The following HYDIN variants were observed in gnomAD, a reference collection of about 807,000 sequenced individuals.
HYDIN encodes the protein axonemal central pair apparatus protein HYDIN.
In HYDIN, 132 loss-of-function variants were observed where a neutral mutation model predicts 403.9. The ratio of observed to expected loss-of-function variants is 0.33; its 90% CI spans 0.28 to 0.38. The LOEUF (loss-of-function observed/expected upper bound fraction) is 0.38, where lower values mean the gene tolerates loss of function less well. Ranked by LOEUF, HYDIN falls within the 10% of genes least tolerant of loss-of-function variation. The pLI, the probability that HYDIN is intolerant of heterozygous loss-of-function variation, is 1.00. For missense variants in HYDIN, 2,827 were observed against 5,009.5 expected (o/e 0.56, Z 13.15); for synonymous variants, 1,202 against 1,891.7 (o/e 0.64, Z 9.46).
At chr16:70,917,088 A>G (rs1380635353) in intron 47 of HYDIN, among the ~76,000 whole-genome samples, 3 of 151,878 alleles carry the variant, frequency 2.0e-5, no homozygotes, top group African/African-American at 4.8e-5. Flanking sequence ...ATGCCCGGCT[A>G]ATTTTTGTAT....
At chr16:70,921,815 G>A (rs540487418) in intron 45 of HYDIN, among the ~76,000 whole-genome samples, 1 of 152,200 alleles carries the variant, frequency 6.6e-6, no homozygotes, top group African/African-American at 2.4e-5. Context: ...ACAAATGGGG[G>A]TTTAGAATTT....
In HYDIN at chr16:70,995,318, C is replaced by G. The variant is rs1182511880; in HGVS notation, c.3645-3108G>C. 3.3e-5 allele frequency among the ~76,000 whole-genome samples: 5 copies of G among 152,100 alleles called. No individual in the cohort carries two copies. In the East Asian group the frequency reaches 9.6e-4, roughly 29 times the overall value. ...GTTATTTTTAAAAGGGAGTGCATAG[C>G]AAACAAGAACAATCGATACTGTTCC... On this transcript the variant is annotated intron_variant, in intron 23 of 85. Transcript: ENST00000393567.
intron 1 of HYDIN, among the ~76,000 whole-genome samples, chr16:71,194,326 G>A (rs529783334): frequency 3.3e-5 from 5 of 152,242 alleles, no homozygotes; most frequent in African/African-American, 4.8e-5. Context: ...CAGGAGAATC[G>A]CTTGAACCAG....
intron 23 of HYDIN, among the ~76,000 whole-genome samples, chr16:71,005,711 G>T (rs1057218603): frequency 6.6e-6 from 1 of 151,350 alleles, no homozygotes; most frequent in Admixed American, 6.6e-5. Flanking sequence ...ACAGATGTGA[G>T]GGTTCCTTGG....
intron 53 of HYDIN, among the ~76,000 whole-genome samples, chr16:70,900,463 C>G (rs574971535): frequency 2.9e-5 from 4 of 136,124 alleles, no homozygotes; most frequent in African/African-American, 1.2e-4. Context: ...GGTGACAGAG[C>G]GAGACTCCAT....
chr16:71,058,593 T>TA (rs1009532041), intron 18 of HYDIN, among the ~76,000 whole-genome samples: 3 of 94,094 alleles, frequency 3.2e-5, no homozygotes, highest in African/African-American at 1.2e-4. Context: ...TAAAGTATAA[T>TA]AAAAAAATAA....
In HYDIN at chr16:70,958,121, C is replaced by T. The variant is rs1243719945; in HGVS notation, c.6142+1526G>A. ...AGGTGTCTTCCCTCTCCTTCTTAAT[C>T]CCCTCTCTGAGGTCAGCAATTTAAC... On this transcript the variant is annotated intron_variant, in intron 39 of 85. Transcript: ENST00000393567. Among the ~76,000 whole-genome samples the T allele has an allele frequency of 3.3e-4, 50 of 151,998 alleles. 1 individual carries two copies. Among genetic ancestry groups the T allele is most frequent in the Admixed American group, 3.3e-3 (50 of 15,248 alleles).
intron 37 of HYDIN, among the ~76,000 whole-genome samples, chr16:70,963,203 T>A (rs1216698248): frequency 9.2e-5 from 14 of 151,642 alleles, no homozygotes; most frequent in Admixed American, 9.2e-4. Flanking sequence ...ATTTTCTGAT[T>A]TTTTTTTCCC....
intron 53 of HYDIN, 50 bp from the exon 54 acceptor site, chr16:70,896,130 T>C: frequency 6.2e-7 from 1 of 1,605,798 alleles, no homozygotes; most frequent in South Asian, 1.1e-5. Flanking sequence ...TATAGGTGCT[T>C]GGAGCCTGAA....
intron 43 of HYDIN, 143 bp from the exon 44 acceptor site, chr16:70,938,898 G>T (rs988875445): frequency 2.4e-5 from 15 of 631,798 alleles, no homozygotes; most frequent in Non-Finnish European, 3.1e-5. Context: ...GGGTGGGGGG[G>T]TCCCTTCATC....
At position 71,128,408 on chromosome 16, in the gene HYDIN, C is replaced by A. The variant is rs199996575; in HGVS notation, c.1227+1232G>T. On this transcript the variant is annotated intron_variant, in intron 9 of 85. Transcript: ENST00000393567. ...TTTTCCGTGTTATATCCTTTAACAACAATTTAGAAGTGCAGATGGAAGGAA... is the reference window on the plus strand; with the variant it reads ...TTTTCCGTGTTATATCCTTTAACAAAAATTTAGAAGTGCAGATGGAAGGAA... 8.1e-3 allele frequency among the ~76,000 whole-genome samples: 1,200 copies of A among 148,340 alleles called. 18 individuals are homozygous for A. Among genetic ancestry groups the A allele is most frequent in the African/African-American group, 0.028 (1,138 of 40,128 alleles).
Position 71,230,657 on chromosome 16 carries a change from T to A in HYDIN, c.-119A>T. 6.5e-7 allele frequency: 1 copy of A among 1,536,040 alleles called. No individual in the cohort carries two copies. The highest frequency in any genetic ancestry group is 8.7e-7 in the Non-Finnish European group (1 of 1,146,854). On this transcript the variant is annotated 5_prime_UTR_variant, in exon 1 of 86. An upstream start codon of the reference 5' UTR is lost. Transcript: ENST00000393567. ...ACCCCGCCGCCGCTGAGGGGCTCCA[T>A]ACCCAGCTTGAAGCCGCCCGCACTC... is the stretch of plus-strand genomic sequence containing the variant.
chr16:71,087,189 T>G (rs1243422029), intron 12 of HYDIN, among the ~76,000 whole-genome samples: 1 of 152,196 alleles, frequency 6.6e-6, no homozygotes, highest in Non-Finnish European at 1.5e-5. Context: ...GCACACACGT[T>G]CACTCTCCTT....
chr16:70,835,388 A>G (rs1309040254), intron 78 of HYDIN, among the ~76,000 whole-genome samples: 2 of 152,194 alleles, frequency 1.3e-5, no homozygotes, highest in African/African-American at 4.8e-5. Context: ...GGCTGTCTAC[A>G]CAACGGAGAT....
intron 75 of HYDIN, among the ~76,000 whole-genome samples, chr16:70,841,751 C>T (rs1033714611): frequency 2.0e-5 from 3 of 152,094 alleles, no homozygotes. Context: ...CTTCCCGTAA[C>T]CATTGCCCTT....
At position 71,143,638 on chromosome 16, in the gene HYDIN, A is replaced by G. The variant is rs367991052; in HGVS notation, c.842-6286T>C. Among the ~76,000 whole-genome samples, 1,264 of 152,138 alleles carry G rather than the reference A, an allele frequency of 8.3e-3. 6 individuals carry two copies. The highest frequency in any genetic ancestry group is 0.029 in the African/African-American group (1,199 of 41,386). On this transcript the variant is annotated intron_variant, in intron 7 of 85. Transcript: ENST00000393567. Reference sequence around the variant, plus strand: ...AGATTTTCTAGTTATAACAGCACACATTTATAATTAATAATAATCCCACCA... The same window carrying G: ...AGATTTTCTAGTTATAACAGCACACGTTTATAATTAATAATAATCCCACCA...
At chr16:71,126,616 G>C (rs1032753384) in intron 9 of HYDIN, among the ~76,000 whole-genome samples, 4 of 152,104 alleles carry the variant, frequency 2.6e-5, no homozygotes, top group African/African-American at 9.7e-5. Context: ...CCTGAGGATG[G>C]GTGGCCCTGG....
At chr16:71,125,233 A>C (rs1309447716) in intron 9 of HYDIN, among the ~76,000 whole-genome samples, 1 of 151,978 alleles carries the variant, frequency 6.6e-6, no homozygotes, top group South Asian at 2.1e-4. Flanking sequence ...TCATGGCTTC[A>C]GTGAAGATCT....
intron 23 of HYDIN, among the ~76,000 whole-genome samples, chr16:70,997,428 GA>G (rs2079566929): frequency 7.5e-6 from 1 of 133,362 alleles, no homozygotes; most frequent in Admixed American, 7.9e-5. Context: ...TGATGATGCA[GA>G]ATACAGAAGC....
Sources: allele counts gnomAD v4.1 joint callset (sites outside exome capture counted in the v4.1 genomes callset), GRCh38; gene constraint gnomAD v4.1.1; transcripts MANE v1.5; gene names NCBI Gene and HGNC (gene_info 2026-07-23, HGNC 2026-07-21).